SCN3A: variants seen among roughly 807,000 people sequenced by gnomAD.
The protein encoded by SCN3A is sodium channel protein type 3 subunit alpha.
In SCN3A, 60 loss-of-function variants were observed where a neutral mutation model predicts 187.6. The ratio of observed to expected loss-of-function variants is 0.32; its 90% CI spans 0.26 to 0.40. SCN3A has a LOEUF of 0.40. Among genes scored for constraint, SCN3A ranks in the 10% least tolerant of loss-of-function variants. The probability of loss-of-function intolerance (pLI) is 1.00; values close to 1 mark genes in which losing one functional copy is unlikely to be tolerated. For missense variants in SCN3A, 1,601 were observed against 2,428.2 expected, an observed-to-expected ratio of 0.66 and a Z score of 7.16; for synonymous variants, 788 against 829.2, an observed-to-expected ratio of 0.95 and a Z score of 0.85.
At chr2:165,160,769 T>C (rs1289092941) in intron 9 of SCN3A, among the ~76,000 whole-genome samples, 2 of 140,238 alleles carry the variant, frequency 1.4e-5, no homozygotes, top group Admixed American at 7.4e-5. Flanking sequence ...GCCTCCAGAG[T>C]AGCTGAGATA....
intron 9 of SCN3A, among the ~76,000 whole-genome samples, chr2:165,161,155 T>G (rs76976067): frequency 0.2 from 27,945 of 141,038 alleles, 1,959 homozygotes; most frequent in East Asian, 0.44. Context: ...TTTTTTTTTT[T>G]TTTTTTTGTT....
intron 5 of SCN3A, among the ~76,000 whole-genome samples, chr2:165,167,379 T>TA (rs397869488): frequency 6.6e-6 from 1 of 151,990 alleles, no homozygotes; most frequent in East Asian, 1.9e-4. Context: ...TATTTTTTTT[T>TA]AAATAACATG....
chr2:165,130,374 A>G, intron 16 of SCN3A, 78 bp from the exon 17 acceptor site: 3 of 1,466,980 alleles, frequency 2.0e-6, no homozygotes, highest in Non-Finnish European at 2.8e-6. Flanking sequence ...ATGTGGTATC[A>G]TAGAACCACA....
chr2:165,166,289 A>G (rs1458994291), intron 5 of SCN3A, among the ~76,000 whole-genome samples: 1 of 152,182 alleles, frequency 6.6e-6, no homozygotes, highest in Non-Finnish European at 1.5e-5. Context: ...ACAGAGCTCT[A>G]CACAGAATAG....
At position 165,137,938 on chromosome 2, in the gene SCN3A, C is replaced by T. The variant is rs772063674; in HGVS notation, c.2332G>A (p.Ala778Thr). 2 of 1,613,346 alleles carry T rather than the reference C, an allele frequency of 1.2e-6. No homozygotes were observed. ...ICIVLNTLFM[A>T]MEHYPMTEQF... ...TCAGTCATGGGGTAGTGCTCCATGGCCATAAAGAGGGTATTTAAGACAATG... is the reference window on the plus strand; with the variant it reads ...TCAGTCATGGGGTAGTGCTCCATGGTCATAAAGAGGGTATTTAAGACAATG... Residue 778 changes from alanine to threonine, a missense_variant, in exon 15 of 28, where the codon GCC (alanine) becomes ACC (threonine). Physicochemically the swap from Ala to Thr is moderately conservative, Grantham distance 58. This residue lies in a region of SCN3A where 376 missense variants were observed against 476.0 expected (regional missense o/e 0.79). Coordinates refer to ENST00000283254, the MANE Select transcript of SCN3A (RefSeq NM_006922.4).
At chr2:165,186,922 T>C (rs1337806025) in intron 1 of SCN3A, among the ~76,000 whole-genome samples, 175 bp from the exon 2 acceptor site, 3 of 152,092 alleles carry the variant, frequency 2.0e-5, no homozygotes, top group Non-Finnish European at 1.5e-5. Flanking sequence ...CCTAGCATGA[T>C]TTAGGAAGAA....
At chr2:165,192,068 C>A (rs908133261) in intron 1 of SCN3A, among the ~76,000 whole-genome samples, 6 of 151,804 alleles carry the variant, frequency 4.0e-5, no homozygotes, top group African/African-American at 1.5e-4. Context: ...TTAAGTAAAT[C>A]AGATAACTTT....
At chr2:165,186,462 G>C (rs1426617065) in intron 2 of SCN3A, 89 bp downstream of exon 2, 2 of 152,132 alleles carry the variant, frequency 1.3e-5, no homozygotes, top group African/African-American at 4.8e-5. Flanking sequence ...GCCTTCTTTT[G>C]GTCCTGATAC....
chr2:165,147,615 A>C (rs1242116257), intron 11 of SCN3A, among the ~76,000 whole-genome samples: 4 of 152,174 alleles, frequency 2.6e-5, no homozygotes, highest in Non-Finnish European at 5.9e-5. Flanking sequence ...CTCTGTGATC[A>C]TGTTACTCCC....
At chr2:165,161,563 T>A (rs1247638323) in intron 9 of SCN3A, among the ~76,000 whole-genome samples, 1 of 152,216 alleles carries the variant, frequency 6.6e-6, no homozygotes, top group African/African-American at 2.4e-5. Flanking sequence ...TTTCCCTTTT[T>A]AAAGGATGAC....
intron 21 of SCN3A, among the ~76,000 whole-genome samples, chr2:165,107,890 T>C (rs948236764): frequency 3.1e-4 from 47 of 152,172 alleles, no homozygotes; most frequent in African/African-American, 1.1e-3. Flanking sequence ...ATAATGAGGT[T>C]TGTAATGTAG....
chr2:165,137,305 T>C (rs1351266761), intron 15 of SCN3A, among the ~76,000 whole-genome samples: 1 of 152,166 alleles, frequency 6.6e-6, no homozygotes, highest in Non-Finnish European at 1.5e-5. Flanking sequence ...ATGTAAACCC[T>C]TTTCTTACTT....
chr2:165,099,216 A>G (rs1351173432), intron 22 of SCN3A, among the ~76,000 whole-genome samples: 2 of 152,150 alleles, frequency 1.3e-5, no homozygotes, highest in African/African-American at 2.4e-5. Context: ...AAATATCCAC[A>G]TGCACTCACA....
At chr2:165,137,329 G>A (rs1166869192) in intron 15 of SCN3A, among the ~76,000 whole-genome samples, 1 of 152,196 alleles carries the variant, frequency 6.6e-6, no homozygotes, top group Admixed American at 6.5e-5. Flanking sequence ...CACCCATTTT[G>A]ATTAGCACAC....
Position 165,090,292 on chromosome 2 carries a change from G to T in SCN3A, c.5861C>A (p.Thr1954Asn). The change falls in exon 28 of 28, where the codon ACT becomes AAT. Residue 1954 changes from threonine (T) to asparagine (N), a missense_variant. Around this residue, in one of 11 missense-constraint regions of SCN3A, gnomAD observed 87 missense variants for 89.2 expected, o/e 0.98. Transcript: ENST00000283254. This position sits in a 1 kb window ranked among gnomAD's most constrained non-coding sequence, Gnocchi z 4.0. ...GGAACTCCCATCTGTTTTTTCTGGA[G>T]TGGAGTTCCCATTTAGTTTGTCAAT... ...MIIDKLNGNS[T>N]PEKTDGSSST... 4 of 1,613,202 alleles carry T rather than the reference G, an allele frequency of 2.5e-6. No individual in the cohort carries two copies. The highest frequency in any genetic ancestry group is 3.4e-6 in the Non-Finnish European group (4 of 1,179,482).
intron 15 of SCN3A, among the ~76,000 whole-genome samples, chr2:165,134,725 T>C (rs1205448031): frequency 6.6e-6 from 1 of 152,170 alleles, no homozygotes; most frequent in East Asian, 1.9e-4. Flanking sequence ...AAATAAGTTG[T>C]AACTATACAA....
At chr2:165,137,196 C>T (rs866671057) in intron 15 of SCN3A, among the ~76,000 whole-genome samples, 1 of 152,120 alleles carries the variant, frequency 6.6e-6, no homozygotes, top group Non-Finnish European at 1.5e-5. Context: ...CTGCCCTTTA[C>T]TTAGTTTGTT....
At chr2:165,115,859 T>A (rs1686346618) in intron 18 of SCN3A, among the ~76,000 whole-genome samples, 1 of 152,190 alleles carries the variant, frequency 6.6e-6, no homozygotes, top group South Asian at 2.1e-4. Context: ...TCTGCATTTG[T>A]ATATGAATGC....
chr2:165,179,236 G>C (rs1338657650), intron 2 of SCN3A, among the ~76,000 whole-genome samples: 1 of 152,170 alleles, frequency 6.6e-6, no homozygotes, highest in Non-Finnish European at 1.5e-5. Flanking sequence ...GGAGATCTGG[G>C]TTAGTATTGA....
Sources: allele counts gnomAD v4.1 joint callset (sites outside exome capture counted in the v4.1 genomes callset), GRCh38; gene constraint gnomAD v4.1.1; regional missense constraint gnomAD v4.1.1; non-coding constraint Gnocchi (gnomAD v3.1); transcripts MANE v1.5; gene names NCBI Gene and HGNC (gene_info 2026-07-23, HGNC 2026-07-21).